Variants in NUBPL observed in about 807,000 individuals in gnomAD.
NUBPL encodes the protein iron-sulfur cluster transfer protein NUBPL.
In NUBPL, 31 loss-of-function variants were observed where a neutral mutation model predicts 45.7. The ratio of observed to expected loss-of-function variants is 0.68; its 90% CI spans 0.51 to 0.92. NUBPL has a LOEUF of 0.92. Among genes scored for constraint, NUBPL ranks in the 40% least tolerant of loss-of-function variants. NUBPL has a pLI of 0.00. For synonymous variants in NUBPL, 144 were observed against 140.9 expected (o/e 1.02, Z -0.15); for missense variants, 401 against 398.7 (o/e 1.01, Z -0.05).
At chr14:31,696,636 G>T (rs2037220928) in intron 6 of NUBPL, among the ~76,000 whole-genome samples, 1 of 152,158 alleles carries the variant, frequency 6.6e-6, no homozygotes, top group South Asian at 2.1e-4. Flanking sequence ...CTCTGAAAAT[G>T]ATTGAAGCTG....
intron 4 of NUBPL, among the ~76,000 whole-genome samples, chr14:31,629,909 T>G (rs1336051483): frequency 6.6e-6 from 1 of 152,150 alleles, no homozygotes; most frequent in Non-Finnish European, 1.5e-5. Flanking sequence ...GGCCCATGAT[T>G]TGTGCTATTA....
intron 8 of NUBPL, among the ~76,000 whole-genome samples, chr14:31,832,736 A>G (rs933875471): frequency 3.9e-5 from 6 of 152,196 alleles, no homozygotes; most frequent in African/African-American, 1.4e-4. Context: ...GCATTTTTGC[A>G]TAGTAGTGAA....
chr14:31,798,723 C>T (rs373847894), intron 7 of NUBPL, among the ~76,000 whole-genome samples: 8 of 119,616 alleles, frequency 6.7e-5, no homozygotes, highest in African/African-American at 1.3e-4. Context: ...ACCTGGGAGG[C>T]GGAGCTTGCA....
intron 6 of NUBPL, among the ~76,000 whole-genome samples, chr14:31,693,108 A>G (rs2037129458): frequency 6.6e-6 from 1 of 152,200 alleles, no homozygotes; most frequent in African/African-American, 2.4e-5. Flanking sequence ...TTGATTTCAA[A>G]CAGTATTCTG....
intron 6 of NUBPL, among the ~76,000 whole-genome samples, chr14:31,706,330 T>A (rs1309720467): frequency 6.6e-6 from 1 of 152,094 alleles, no homozygotes; most frequent in East Asian, 1.9e-4. Flanking sequence ...TCGGTAGAAG[T>A]TGTTAGTTGA....
intron 3 of NUBPL, among the ~76,000 whole-genome samples, chr14:31,583,767 G>T (rs376744094): frequency 1.3e-5 from 2 of 152,140 alleles, no homozygotes; most frequent in South Asian, 4.1e-4. Flanking sequence ...AAAGAGCATG[G>T]TGATATCTTG....
At chr14:31,704,492 C>T (rs971047817) in intron 6 of NUBPL, among the ~76,000 whole-genome samples, 13 of 151,964 alleles carry the variant, frequency 8.6e-5, no homozygotes, top group Middle Eastern at 3.4e-3. Context: ...GGAGAGACCC[C>T]GTCTCTACTA....
chr14:31,612,877 A>G (rs1036711958), intron 4 of NUBPL, among the ~76,000 whole-genome samples: 3 of 152,194 alleles, frequency 2.0e-5, no homozygotes, highest in Non-Finnish European at 2.9e-5. Flanking sequence ...ATGGAGAACA[A>G]TTTGGAAGTT....
At chr14:31,750,817 G>A (rs1462045217) in intron 6 of NUBPL, among the ~76,000 whole-genome samples, 5 of 152,094 alleles carry the variant, frequency 3.3e-5, no homozygotes, top group Non-Finnish European at 7.4e-5. Context: ...GCATGTATTA[G>A]TCCATTCTCA....
intron 4 of NUBPL, among the ~76,000 whole-genome samples, chr14:31,644,923 A>G (rs960157183): frequency 6.6e-6 from 1 of 152,098 alleles, no homozygotes; most frequent in Non-Finnish European, 1.5e-5. Flanking sequence ...TTTTTTGCAC[A>G]GTATGATTTG....
At position 31,842,689 on chromosome 14, in the gene NUBPL, A is replaced by T. The variant is rs558224901; in HGVS notation, c.694-3782A>T. 1.0e-3 allele frequency among the ~76,000 whole-genome samples: 155 copies of T among 152,196 alleles called. 1 individual carries two copies. Among genetic ancestry groups the T allele is most frequent in the African/African-American group, 3.6e-3 (149 of 41,540 alleles). ...AACAGGGTCTTGCTGTGTTGCCCAGACAGGTCTTGAACTTCTGGAATTACA... is the reference window on the plus strand; with the variant it reads ...AACAGGGTCTTGCTGTGTTGCCCAGTCAGGTCTTGAACTTCTGGAATTACA... On this transcript the variant is annotated intron_variant, in intron 8 of 10. Coordinates refer to ENST00000281081, the MANE Select transcript of NUBPL (RefSeq NM_025152.3).
At chr14:31,617,219 A>G (rs1397644338) in intron 4 of NUBPL, among the ~76,000 whole-genome samples, 1 of 152,214 alleles carries the variant, frequency 6.6e-6, no homozygotes, top group African/African-American at 2.4e-5. Context: ...TCATCTGCAA[A>G]CAGGGACAGT....
chr14:31,599,463 A>G (rs919106590), intron 4 of NUBPL, 84 bp downstream of exon 4: 31 of 943,610 alleles, frequency 3.3e-5, no homozygotes, highest in Middle Eastern at 3.1e-4. Context: ...GCTAGATGCA[A>G]TGTATATTTT....
chr14:31,729,894 T>C (rs2038012613), intron 6 of NUBPL, among the ~76,000 whole-genome samples: 1 of 152,190 alleles, frequency 6.6e-6, no homozygotes, highest in African/African-American at 2.4e-5. Context: ...TTTTGAATAA[T>C]AACAGTGATA....
At chr14:31,679,608 A>G (rs548647932) in intron 6 of NUBPL, among the ~76,000 whole-genome samples, 21 of 152,288 alleles carry the variant, frequency 1.4e-4, no homozygotes, top group Admixed American at 1.2e-3. Flanking sequence ...GTTGTGCTCC[A>G]TTGATCTGTT....
intron 4 of NUBPL, among the ~76,000 whole-genome samples, chr14:31,668,444 C>G (rs1339387669): frequency 6.6e-6 from 1 of 152,206 alleles, no homozygotes; most frequent in Middle Eastern, 3.2e-3. Flanking sequence ...TGACTTCAGA[C>G]TGCCGTGCTG....
At chr14:31,702,604 A>G (rs777985899) in intron 6 of NUBPL, among the ~76,000 whole-genome samples, 16 of 152,272 alleles carry the variant, frequency 1.1e-4, no homozygotes, top group Admixed American at 2.0e-4. Context: ...TTAACCTAGT[A>G]GCTATGACAT....
chr14:31,812,740 C>T (rs530003659), intron 7 of NUBPL, among the ~76,000 whole-genome samples: 9 of 152,208 alleles, frequency 5.9e-5, no homozygotes, highest in South Asian at 4.1e-4. Flanking sequence ...AGCTGCAGAC[C>T]GGAGCTGTTC....
chr14:31,826,709 G>A lies in NUBPL; in HGVS notation c.688G>A (p.Val230Met), dbSNP rs1479309023. 19 of 1,613,668 alleles carry A rather than the reference G, an allele frequency of 1.2e-5. No individual in the cohort carries two copies. Among genetic ancestry groups the A allele is most frequent in the African/African-American group, 5.3e-5 (4 of 74,916 alleles). The change falls in exon 8 of 11, where the codon GTG (valine) becomes ATG (methionine). Residue 230 changes from valine to methionine, a missense_variant. Physicochemically the swap from Val to Met is conservative, Grantham distance 21. Coordinates refer to ENST00000281081, the MANE Select transcript of NUBPL (RefSeq NM_025152.3). ...KGAEMFRRVH[V>M]PVLGLVQNMS... ...TGCTGAGATGTTTCGCAGAGTCCAC[G>A]TGCCCGTAAGCGTTTACAGCTTCAC...
Sources: allele counts gnomAD v4.1 joint callset (sites outside exome capture counted in the v4.1 genomes callset), GRCh38; gene constraint gnomAD v4.1.1; transcripts MANE v1.5; gene names NCBI Gene and HGNC (gene_info 2026-07-23, HGNC 2026-07-21).